TSPAN5: variants seen among roughly 807,000 people sequenced by gnomAD.
TSPAN5 encodes the protein tetraspanin-5.
Under a neutral mutation model 37.1 loss-of-function variants are expected in TSPAN5, and 10 were observed. That is an observed-to-expected ratio of 0.27 (90% CI 0.17 to 0.46). The LOEUF (loss-of-function observed/expected upper bound fraction) is 0.46. Among genes scored for constraint, TSPAN5 ranks in the 20% least tolerant of loss-of-function variants. TSPAN5 has a pLI of 1.00. For synonymous variants in TSPAN5, 110 were observed against 118.9 expected, an observed-to-expected ratio of 0.93 and a Z score of 0.48; for missense variants, 195 against 326.6, an observed-to-expected ratio of 0.60 and a Z score of 3.11.
At chr4:98,543,395 A>G (rs1754402392) in intron 1 of TSPAN5, among the ~76,000 whole-genome samples, 1 of 150,002 alleles carries the variant, frequency 6.7e-6, no homozygotes, top group Non-Finnish European at 1.5e-5. Flanking sequence ...ATAAATACAT[A>G]CATAACAATT....
At chr4:98,484,212 C>G in intron 3 of TSPAN5, 1 of 318,438 alleles carries the variant, frequency 3.1e-6, no homozygotes, top group Non-Finnish European at 6.1e-6. Flanking sequence ...AGCTAATTTC[C>G]TCTATTTCCA....
chr4:98,591,620 A>T (rs1221095413), intron 1 of TSPAN5, among the ~76,000 whole-genome samples: 1 of 105,952 alleles, frequency 9.4e-6, no homozygotes, highest in Non-Finnish European at 1.8e-5. Flanking sequence ...AAAAAGAATA[A>T]AATATCATAT....
intron 1 of TSPAN5, among the ~76,000 whole-genome samples, chr4:98,522,270 T>C (rs998933318): frequency 6.6e-5 from 10 of 152,218 alleles, no homozygotes; most frequent in African/African-American, 1.9e-4. Context: ...TGAAACCTGA[T>C]TGATAACATT....
intron 1 of TSPAN5, among the ~76,000 whole-genome samples, chr4:98,551,812 T>C (rs1754625271): frequency 6.6e-6 from 1 of 152,112 alleles, no homozygotes; most frequent in South Asian, 2.1e-4. Flanking sequence ...CTTTGTATGT[T>C]TGAAAGAATT....
chr4:98,550,606 GGTTT>G (rs1314568581), intron 1 of TSPAN5, among the ~76,000 whole-genome samples: 4 of 76,466 alleles, frequency 5.2e-5, no homozygotes, highest in South Asian at 1.3e-3. Flanking sequence ...TTCCCAGCTG[GGTTT>G]TTTTTTTTTT....
intron 2 of TSPAN5, among the ~76,000 whole-genome samples, chr4:98,503,037 T>C (rs1560515012): frequency 1.3e-5 from 2 of 151,848 alleles, no homozygotes; most frequent in African/African-American, 4.8e-5. Flanking sequence ...ATAGCTGAAA[T>C]CAAGCTGGGC....
At chr4:98,546,213 T>C (rs1754466237) in intron 1 of TSPAN5, among the ~76,000 whole-genome samples, 1 of 152,214 alleles carries the variant, frequency 6.6e-6, no homozygotes, top group Non-Finnish European at 1.5e-5. Context: ...AAGCATATTC[T>C]AACTAGAACA....
chr4:98,533,793 G>A (rs1161278269), intron 1 of TSPAN5, among the ~76,000 whole-genome samples: 58 of 148,834 alleles, frequency 3.9e-4, no homozygotes, highest in African/African-American at 1.3e-3. Flanking sequence ...CTCGTGATCC[G>A]CCCGCCTCGG....
At chr4:98,559,686 C>A (rs1578992649) in intron 1 of TSPAN5, among the ~76,000 whole-genome samples, 1 of 152,280 alleles carries the variant, frequency 6.6e-6, no homozygotes, top group Non-Finnish European at 1.5e-5. Flanking sequence ...CAAGCCATAG[C>A]CCCTGTATCT....
chr4:98,551,048 T>C (rs1254131097), intron 1 of TSPAN5, among the ~76,000 whole-genome samples: 1 of 152,208 alleles, frequency 6.6e-6, no homozygotes, highest in Non-Finnish European at 1.5e-5. Flanking sequence ...TTGAAGTATA[T>C]TCCTTCTGTG....
intron 1 of TSPAN5, among the ~76,000 whole-genome samples, chr4:98,591,329 A>C (rs1412420183): frequency 6.5e-5 from 9 of 138,140 alleles, no homozygotes; most frequent in African/African-American, 2.5e-4. Context: ...GAATAAATTT[A>C]ACAAAGTACA....
intron 1 of TSPAN5, among the ~76,000 whole-genome samples, chr4:98,626,951 G>C (rs141361000): frequency 8.3e-6 from 1 of 120,734 alleles, no homozygotes; most frequent in African/African-American, 3.2e-5. Flanking sequence ...GCACGTAATA[G>C]ACATCAAAAA....
intron 1 of TSPAN5, among the ~76,000 whole-genome samples, chr4:98,527,727 A>C (rs1341305748): frequency 6.6e-6 from 1 of 152,214 alleles, no homozygotes; most frequent in Non-Finnish European, 1.5e-5. Context: ...GTGAGGACTA[A>C]CGGTGTAATC....
rs1560508513 is a variant in TSPAN5 at position 98,486,764 on chromosome 4, G to A, written c.253C>T (p.Arg85Trp). 8 of 1,614,000 alleles carry A rather than the reference G, an allele frequency of 5.0e-6. No homozygotes were observed. Among genetic ancestry groups the A allele is most frequent in the Non-Finnish European group, 6.8e-6 (8 of 1,180,002 alleles). ...AACTTGAGAAGGAAAGTGTTTTCCC[G>A]TAGCGCTCCAATGCACCCTGCAAAT... ...LGFAGCIGAL[R>W]ENTFLLKFFS... is the part of the protein sequence containing the mutation. Residue 85 changes from arginine to tryptophan, a missense_variant, in exon 3 of 8, where the codon CGG (arginine) becomes TGG (tryptophan). Arg to Trp is a moderately radical substitution (Grantham distance 101, BLOSUM62 -3). Transcript: ENST00000305798.
intron 1 of TSPAN5, among the ~76,000 whole-genome samples, chr4:98,552,540 G>C (rs1754646936): frequency 1.3e-5 from 2 of 152,174 alleles, no homozygotes; most frequent in African/African-American, 4.8e-5. Flanking sequence ...TGGTGTTCTA[G>C]AGTAAGATGG....
chr4:98,608,702 G>A (rs1756101736), intron 1 of TSPAN5, among the ~76,000 whole-genome samples: 1 of 152,116 alleles, frequency 6.6e-6, no homozygotes, highest in South Asian at 2.1e-4. Context: ...CACTGTTAGG[G>A]GGGAAATAGA....
At chr4:98,642,966 A>C (rs1361012962) in intron 1 of TSPAN5, among the ~76,000 whole-genome samples, 1 of 152,214 alleles carries the variant, frequency 6.6e-6, no homozygotes, top group East Asian at 1.9e-4. Flanking sequence ...TAATTATTGA[A>C]GACAGATATT....
At chr4:98,519,755 T>A (rs1753812141) in intron 1 of TSPAN5, among the ~76,000 whole-genome samples, 1 of 152,206 alleles carries the variant, frequency 6.6e-6, no homozygotes, top group Non-Finnish European at 1.5e-5. Context: ...TGTGGAAAGA[T>A]TCTGACTCTT....
intron 1 of TSPAN5, among the ~76,000 whole-genome samples, chr4:98,650,122 C>T (rs1483916399): frequency 6.6e-6 from 1 of 152,140 alleles, no homozygotes; most frequent in Non-Finnish European, 1.5e-5. Context: ...AGGTGGAAAA[C>T]AGAATGTTTA....
Sources: allele counts gnomAD v4.1 joint callset (sites outside exome capture counted in the v4.1 genomes callset), GRCh38; gene constraint gnomAD v4.1.1; transcripts MANE v1.5; gene names NCBI Gene and HGNC (gene_info 2026-07-23, HGNC 2026-07-21).